The following GPC6 variants were observed in gnomAD, a reference collection of about 807,000 sequenced individuals.
The protein encoded by GPC6 is glypican-6.
In GPC6, 14 loss-of-function variants were observed where a neutral mutation model predicts 55.2. The ratio of observed to expected loss-of-function variants is 0.25; its 90% CI spans 0.17 to 0.40. The LOEUF is 0.40. GPC6 is among the 10% of genes least tolerant of loss of function. The pLI is 1.00. For missense variants in GPC6, 641 were observed against 708.5 expected (o/e 0.90, Z 1.08); for synonymous variants, 278 against 259.6 (o/e 1.07, Z -0.68).
intron 2 of GPC6, among the ~76,000 whole-genome samples, chr13:93,677,026 T>G (rs1217499949): frequency 6.6e-6 from 1 of 152,078 alleles, no homozygotes; most frequent in Non-Finnish European, 1.5e-5. Context: ...CCTTCAAGTG[T>G]GTTTTGTTTT....
chr13:93,847,136 A>G (rs575978459), intron 3 of GPC6, among the ~76,000 whole-genome samples: 40 of 152,242 alleles, frequency 2.6e-4, no homozygotes, highest in African/African-American at 9.1e-4. Flanking sequence ...ATTGCCTCAA[A>G]GGCCCTACAA....
upstream of GPC6, among the ~76,000 whole-genome samples, chr13:93,225,072 C>T (rs1440684564): frequency 6.6e-6 from 1 of 152,170 alleles, no homozygotes; most frequent in East Asian, 1.9e-4. Flanking sequence ...TATGCTTTTA[C>T]CCATTCTTCC....
chr13:93,829,221 T>A (rs1201913014), intron 2 of GPC6, among the ~76,000 whole-genome samples: 2 of 152,290 alleles, frequency 1.3e-5, no homozygotes, highest in East Asian at 1.9e-4. Flanking sequence ...CTAAATGAGA[T>A]AAAACTTGAA....
At chr13:93,952,407 A>G (rs1374689760) in intron 3 of GPC6, among the ~76,000 whole-genome samples, 4 of 152,162 alleles carry the variant, frequency 2.6e-5, no homozygotes, top group South Asian at 4.1e-4. Context: ...GTAGAATTCC[A>G]GAATTGTGAA....
At chr13:93,609,814 C>T (rs1878391212) in intron 2 of GPC6, among the ~76,000 whole-genome samples, 1 of 152,140 alleles carries the variant, frequency 6.6e-6, no homozygotes, top group African/African-American at 2.4e-5. Context: ...AGACCCATCC[C>T]TCCCTTGGCT....
chr13:93,583,385 A>T (rs1877031936), intron 2 of GPC6, among the ~76,000 whole-genome samples: 1 of 134,872 alleles, frequency 7.4e-6, no homozygotes, highest in African/African-American at 3.9e-5. Flanking sequence ...TGTGTATGAC[A>T]AACCTGCCTT....
At chr13:93,533,857 A>G (rs1337473512) in intron 1 of GPC6, among the ~76,000 whole-genome samples, 1 of 152,026 alleles carries the variant, frequency 6.6e-6, no homozygotes, top group African/African-American at 2.4e-5. Context: ...TTCGTCCAAG[A>G]ACTTACTTTT....
At chr13:93,926,090 A>C (rs1295150909) in intron 3 of GPC6, among the ~76,000 whole-genome samples, 1 of 152,204 alleles carries the variant, frequency 6.6e-6, no homozygotes, top group African/African-American at 2.4e-5. Flanking sequence ...CAATAGAGCA[A>C]GGTGGAAGCC....
intron 1 of GPC6, among the ~76,000 whole-genome samples, chr13:93,503,070 A>T (rs1880579934): frequency 6.6e-6 from 1 of 152,172 alleles, no homozygotes; most frequent in African/African-American, 2.4e-5. Context: ...TTTGTAATCC[A>T]TTCATTGTTT....
chr13:94,387,107 G>C (rs1181675585), intron 7 of GPC6, among the ~76,000 whole-genome samples: 1 of 152,182 alleles, frequency 6.6e-6, no homozygotes, highest in Non-Finnish European at 1.5e-5. Context: ...TATGGGTGCT[G>C]TGGCAGTCTG....
intron 1 of GPC6, among the ~76,000 whole-genome samples, chr13:93,398,870 C>A (rs1875960319): frequency 6.6e-6 from 1 of 152,146 alleles, no homozygotes. Flanking sequence ...ATGTATTAGA[C>A]AATTGTCTTC....
chr13:94,172,696 G>A (rs1332364085), intron 4 of GPC6, among the ~76,000 whole-genome samples: 1 of 152,098 alleles, frequency 6.6e-6, no homozygotes, highest in South Asian at 2.1e-4. Flanking sequence ...TTGCTTTTAG[G>A]AAAAACCATC....
At chr13:93,282,285 A>T (rs1167527113) in intron 1 of GPC6, among the ~76,000 whole-genome samples, 3 of 152,170 alleles carry the variant, frequency 2.0e-5, no homozygotes. Context: ...GGCAAACCTA[A>T]GACTATTTTG....
chr13:93,362,193 G>A (rs1881062934), intron 1 of GPC6, among the ~76,000 whole-genome samples: 1 of 152,196 alleles, frequency 6.6e-6, no homozygotes, highest in South Asian at 2.1e-4. Context: ...TGCAAGCTCA[G>A]TGGAAGCACT....
intron 3 of GPC6, among the ~76,000 whole-genome samples, chr13:93,989,904 A>G (rs533503871): frequency 6.7e-5 from 9 of 135,240 alleles, no homozygotes; most frequent in East Asian, 2.1e-4. Flanking sequence ...GTGTGTGTGT[A>G]TATATATATA....
At chr13:94,066,429 A>G (rs1251367559) in intron 4 of GPC6, among the ~76,000 whole-genome samples, 1 of 152,192 alleles carries the variant, frequency 6.6e-6, no homozygotes, top group Non-Finnish European at 1.5e-5. Context: ...GATGAAAAAA[A>G]GAGACTATCA....
At chr13:94,368,691 A>C (rs1294980661) in intron 6 of GPC6, among the ~76,000 whole-genome samples, 1 of 152,202 alleles carries the variant, frequency 6.6e-6, no homozygotes, top group African/African-American at 2.4e-5. Context: ...AGGAACTTTA[A>C]ATACTCTCCT....
intron 1 of GPC6, among the ~76,000 whole-genome samples, chr13:93,288,014 G>T (rs1319320174): frequency 6.6e-6 from 1 of 151,996 alleles, no homozygotes; most frequent in Non-Finnish European, 1.5e-5. Context: ...AGCTTCATCG[G>T]TTTTGATTTT....
At chr13:93,454,557 G>A (rs1336577220) in intron 1 of GPC6, among the ~76,000 whole-genome samples, 3 of 151,222 alleles carry the variant, frequency 2.0e-5, no homozygotes, top group Non-Finnish European at 4.4e-5. Context: ...TAGACACAGG[G>A]TGCTGAGTGG....
Sources: allele counts gnomAD v4.1 joint callset (sites outside exome capture counted in the v4.1 genomes callset), GRCh38; gene constraint gnomAD v4.1.1; transcripts MANE v1.5; gene names NCBI Gene and HGNC (gene_info 2026-07-23, HGNC 2026-07-21).